AR: variants seen among roughly 807,000 people sequenced by gnomAD.
The protein encoded by AR is dihydrotestosterone receptor.
In AR, 8 loss-of-function variants were observed where a neutral mutation model predicts 53.9. The ratio of observed to expected loss-of-function variants is 0.15; its 90% CI spans 0.09 to 0.27. AR has a LOEUF of 0.27. Ranked by LOEUF, AR falls within the 10% of genes least tolerant of loss-of-function variation. The pLI is 1.00. For missense variants in AR, 639 were observed against 742.5 expected (o/e 0.86, Z 1.62); for synonymous variants, 359 against 316.4 (o/e 1.13, Z -1.43).
At chrX:67,673,369 G>GTCTCTCTC (rs3070073) in intron 2 of AR, among the ~76,000 whole-genome samples, 1 of 97,595 alleles carries the variant, frequency 1.0e-5, no homozygotes, top group Non-Finnish European at 2.1e-5. Flanking sequence ...TTCTCTCTCT[G>GTCTCTCTC]TCTCTCTCTC....
In AR at chrX:67,727,256, G is replaced by A. The variant is rs890790479; in HGVS notation, c.*3415G>A. ...TGAGAAAGGGATATTTTGAAGGACTGTCATATATCTTTGAAAAAAGAAAAT... is the reference window on the plus strand; with the variant it reads ...TGAGAAAGGGATATTTTGAAGGACTATCATATATCTTTGAAAAAAGAAAAT... On this transcript the variant is annotated 3_prime_UTR_variant, in exon 8 of 8. Coordinates refer to ENST00000374690, the MANE Select transcript of AR (RefSeq NM_000044.6). 1.8e-5 allele frequency: 3 copies of A among 166,528 alleles called. No homozygotes were observed. Among genetic ancestry groups the A allele is most frequent in the African/African-American group, 9.0e-5 (3 of 33,497 alleles). The allele number at this position is 166,528 out of a possible 1,213,427, so 13.7% of individuals were successfully genotyped here. A position where few individuals can be genotyped will look rare whatever the true frequency, so the allele number is the denominator to read the frequency against.
intron 1 of AR, among the ~76,000 whole-genome samples, chrX:67,620,134 A>G (rs1487497206): frequency 9.0e-6 from 1 of 110,841 alleles, no homozygotes; most frequent in Non-Finnish European, 1.9e-5. Context: ...ACATGATGCT[A>G]TCTTCCTTCT....
At chrX:67,690,293 C>T (rs1043685308) in intron 3 of AR, among the ~76,000 whole-genome samples, 2 of 111,990 alleles carry the variant, frequency 1.8e-5, no homozygotes, top group African/African-American at 6.5e-5. Context: ...TTTTGACAAC[C>T]TCTGTGAATT....
intron 1 of AR, among the ~76,000 whole-genome samples, chrX:67,622,615 C>T (rs752806148): frequency 8.9e-6 from 1 of 111,807 alleles, no homozygotes; most frequent in East Asian, 2.8e-4. Flanking sequence ...ATGTGTTGTA[C>T]AGAGCACTTG....
intron 1 of AR, among the ~76,000 whole-genome samples, chrX:67,583,519 G>A (rs1922385108): frequency 8.9e-6 from 1 of 111,768 alleles, no homozygotes; most frequent in Non-Finnish European, 1.9e-5. Context: ...GTCTGTGTTT[G>A]TGCTAATGGA....
At chrX:67,678,251 C>T (rs901017089) in intron 2 of AR, among the ~76,000 whole-genome samples, 6 of 111,388 alleles carry the variant, frequency 5.4e-5, no homozygotes, top group African/African-American at 2.0e-4. Flanking sequence ...CCTATGCCAA[C>T]CCCAGGCAGA....
At chrX:67,577,701 C>A (rs1326840182) in intron 1 of AR, among the ~76,000 whole-genome samples, 3 of 111,028 alleles carry the variant, frequency 2.7e-5, no homozygotes, top group Non-Finnish European at 5.7e-5. Context: ...TGAATTGGGA[C>A]CCCATCATGC....
chrX:67,544,966 T>G lies in AR; in HGVS notation c.-181T>G. The G allele has an allele frequency of 1.7e-6, 1 of 579,733 alleles. No individual in the cohort carries two copies. The highest frequency in any genetic ancestry group is 2.6e-6 in the Non-Finnish European group (1 of 384,299). 47.8% of individuals were successfully genotyped at this position (579,733 alleles called of 1,213,427 possible). A position where few individuals can be genotyped will look rare whatever the true frequency, so the allele number is the denominator to read the frequency against. ...CGTGTGTCTTCTTCTGCACGAGACT[T>G]TGAGGCTGTCAGAGCGCTTTTTGCG... On this transcript the variant is annotated 5_prime_UTR_variant, in exon 1 of 8. Coordinates refer to ENST00000374690, the MANE Select transcript of AR (RefSeq NM_000044.6).
At chrX:67,646,599 C>A (rs1926070816) in intron 2 of AR, among the ~76,000 whole-genome samples, 1 of 109,625 alleles carries the variant, frequency 9.1e-6, no homozygotes, top group African/African-American at 3.3e-5. Flanking sequence ...ATTTTGGATG[C>A]TAAGAGACCA....
At chrX:67,650,723 A>C (rs1255284693) in intron 2 of AR, among the ~76,000 whole-genome samples, 2 of 111,952 alleles carry the variant, frequency 1.8e-5, no homozygotes, top group Non-Finnish European at 3.8e-5. Flanking sequence ...TTCTACCTAC[A>C]AACCTGCAGA....
At chrX:67,701,056 TTC>T (rs1318234707) in intron 3 of AR, among the ~76,000 whole-genome samples, 1 of 111,734 alleles carries the variant, frequency 8.9e-6, no homozygotes, top group Non-Finnish European at 1.9e-5. Context: ...CAGTAGAACT[TTC>T]TGAGATGATG....
chrX:67,566,003 A>C lies in AR; in HGVS notation c.1616+19241A>C, dbSNP rs769001015. On this transcript the variant is annotated intron_variant, in intron 1 of 7. Transcript: ENST00000374690. ...CCACTGCTCCCAGCCCCAGACCATT[A>C]ATTTTTGACAGTAAGTCCAACTTTT... 3.2e-4 allele frequency among the ~76,000 whole-genome samples: 36 copies of C among 111,888 alleles called. 1 individual carries two copies. The highest frequency in any genetic ancestry group is 6.6e-4 in the Admixed American group (7 of 10,547).
At chrX:67,560,870 G>T (rs966805061) in intron 1 of AR, among the ~76,000 whole-genome samples, 3 of 111,778 alleles carry the variant, frequency 2.7e-5, no homozygotes, top group Non-Finnish European at 5.6e-5. Context: ...CCAAGGAGAA[G>T]TGATCTATAT....
chrX:67,583,412 A>G (rs1922380028), intron 1 of AR, among the ~76,000 whole-genome samples: 1 of 112,086 alleles, frequency 8.9e-6, no homozygotes, highest in African/African-American at 3.2e-5. Context: ...TGAAAATGGT[A>G]CTAGATACAA....
At chrX:67,694,033 A>G (rs1339623655) in intron 3 of AR, among the ~76,000 whole-genome samples, 1 of 111,346 alleles carries the variant, frequency 9.0e-6, no homozygotes, top group Non-Finnish European at 1.9e-5. Flanking sequence ...CCAAGATGAA[A>G]AGTCACCAGC....
Position 67,686,120 on chromosome X carries a change from C to T in AR, c.1879C>T (p.Leu627=). ...GAAATGTTATGAAGCAGGGATGACT[C>T]TGGGAGGTAAGATACTTTTCTTTCT... The part of the protein sequence containing the change: ...LRKCYEAGMT[L]GARKLKKLGN... The change falls in exon 3 of 8, where the codon CTG becomes TTG. Residue 627 remains leucine (L), a synonymous_variant. Transcript: ENST00000374690. The T allele has an allele frequency of 1.7e-6, 2 of 1,207,669 alleles. No homozygotes were observed. The highest frequency in any genetic ancestry group is 2.2e-6 in the Non-Finnish European group (2 of 892,270).
intron 1 of AR, among the ~76,000 whole-genome samples, chrX:67,555,960 C>T (rs1367781675): frequency 1.8e-5 from 2 of 112,335 alleles, no homozygotes. Flanking sequence ...TGTTGTTTCT[C>T]GAAGTGGCAA....
rs1332493037 is a variant in AR at position 67,726,786 on chromosome X, A to T, written c.*2945A>T. 1 of 173,330 alleles carries T rather than the reference A, an allele frequency of 5.8e-6. No individual in the cohort carries two copies. The highest frequency in any genetic ancestry group is 1.1e-5 in the Non-Finnish European group (1 of 91,034). 14.3% of individuals were successfully genotyped at this position (173,330 alleles called of 1,213,427 possible). A position where few individuals can be genotyped will look rare whatever the true frequency, so the allele number is the denominator to read the frequency against. ...ATGTTCTAGCCAATGTAATTGACAG[A>T]AGTCTCATTTTGCATGCGCTCTGCT... On this transcript the variant is annotated 3_prime_UTR_variant, in exon 8 of 8. Transcript: ENST00000374690.
chrX:67,660,215 G>T (rs1489980559), intron 2 of AR, among the ~76,000 whole-genome samples: 51 of 111,856 alleles, frequency 4.6e-4, no homozygotes, highest in African/African-American at 1.7e-3. Flanking sequence ...TTCTTTAGTT[G>T]AATTAGATCC....
Sources: gnomAD v4.1 joint callset for allele counts (sites outside exome capture counted in the v4.1 genomes callset) on GRCh38, gnomAD v4.1.1 for gene constraint, MANE v1.5 for transcripts, NCBI Gene and HGNC (gene_info 2026-07-23, HGNC 2026-07-21) for gene names.